Variants in FSIP1 observed in about 807,000 individuals in gnomAD.
The protein encoded by FSIP1 is fibrous sheath-interacting protein 1.
FSIP1 carries 65 observed loss-of-function variants against 60.9 expected under a neutral mutation model. The observed-to-expected ratio is 1.07, with a 90% CI of 0.87 to 1.31. The LOEUF (loss-of-function observed/expected upper bound fraction) is 1.31, where lower values mean the gene tolerates loss of function less well. Among genes scored for constraint, FSIP1 ranks in the 40% most tolerant of loss-of-function variants. FSIP1 has a pLI of 0.00. For synonymous variants in FSIP1, 209 were observed against 221.2 expected (o/e 0.94, Z 0.49); for missense variants, 675 against 665.5 (o/e 1.01, Z -0.16).
intron 2 of FSIP1, among the ~76,000 whole-genome samples, chr15:39,773,270 C>T (rs1385058741): frequency 1.3e-5 from 2 of 152,184 alleles, no homozygotes; most frequent in South Asian, 2.1e-4. Flanking sequence ...GAATGATTTG[C>T]AATCAGCAGT....
chr15:39,690,969 C>T (rs1312262969), intron 10 of FSIP1, among the ~76,000 whole-genome samples: 1 of 152,144 alleles, frequency 6.6e-6, no homozygotes, highest in African/African-American at 2.4e-5. Context: ...GCTGGGACAA[C>T]ATCAATCCAT....
At chr15:39,668,402 C>T (rs767294134) in intron 10 of FSIP1, among the ~76,000 whole-genome samples, 12 of 152,152 alleles carry the variant, frequency 7.9e-5, no homozygotes, top group South Asian at 2.1e-4. Flanking sequence ...CTTAATATGT[C>T]GACACTAAAG....
intron 10 of FSIP1, among the ~76,000 whole-genome samples, chr15:39,701,238 GTTGGGGTGATAAGAATTAACATTC>G (rs975498683): frequency 5.3e-5 from 8 of 152,126 alleles, no homozygotes; most frequent in Admixed American, 5.2e-4. Context: ...AATGTAAAAA[GTTGGGGTGATAAGAATTAACATTC>G]TAAGGAACAA....
chr15:39,676,580 A>C (rs1893952573), intron 10 of FSIP1, among the ~76,000 whole-genome samples: 1 of 151,636 alleles, frequency 6.6e-6, no homozygotes, highest in African/African-American at 2.4e-5. Context: ...TGCCTTCCCA[A>C]CTCTCAGAAT....
At chr15:39,678,633 T>C (rs1419062772) in intron 10 of FSIP1, among the ~76,000 whole-genome samples, 1 of 152,232 alleles carries the variant, frequency 6.6e-6, no homozygotes, top group Non-Finnish European at 1.5e-5. Context: ...CAAATTTTAC[T>C]TTCTAAAAAT....
intron 10 of FSIP1, among the ~76,000 whole-genome samples, chr15:39,703,052 G>A (rs975691058): frequency 2.0e-5 from 3 of 149,876 alleles, no homozygotes; most frequent in Non-Finnish European, 4.4e-5. Flanking sequence ...GCACGATTTC[G>A]GCTCACTGCA....
chr15:39,659,811 T>C lies in FSIP1; in HGVS notation c.1189-41566A>G, dbSNP rs1021158563. ...TATAACATGTTCATTCTGGAATTTT[T>C]ATTGCAATTTTGCTTCTAAAATTGG... On this transcript the variant is annotated intron_variant, in intron 10 of 11. Transcript: ENST00000350221. Among the ~76,000 whole-genome samples, 8 of 152,154 alleles carry C rather than the reference T, an allele frequency of 5.3e-5. No individual in the cohort carries two copies. In the South Asian group the frequency reaches 1.2e-3, roughly 24 times the overall value.
intron 10 of FSIP1, among the ~76,000 whole-genome samples, chr15:39,651,099 C>T (rs1018569260): frequency 2.0e-4 from 31 of 152,126 alleles, no homozygotes; most frequent in Non-Finnish European, 4.0e-4. Context: ...GGCATGAACC[C>T]ATGGACATGA....
intron 5 of FSIP1, among the ~76,000 whole-genome samples, chr15:39,754,376 T>C (rs1345434465): frequency 6.6e-6 from 1 of 152,030 alleles, no homozygotes; most frequent in Non-Finnish European, 1.5e-5. Flanking sequence ...AGATTATAAA[T>C]GTTTGTTGGC....
At chr15:39,661,418 T>C (rs1264055358) in intron 10 of FSIP1, among the ~76,000 whole-genome samples, 2 of 152,232 alleles carry the variant, frequency 1.3e-5, no homozygotes, top group Non-Finnish European at 1.5e-5. Context: ...ACCACTTAAA[T>C]TAATCCCAGA....
chr15:39,781,861 G>A (rs777434996), intron 1 of FSIP1, among the ~76,000 whole-genome samples: 6 of 152,226 alleles, frequency 3.9e-5, no homozygotes, highest in Non-Finnish European at 7.3e-5. Flanking sequence ...GGTTCATGAT[G>A]AAACTTCCGT....
intron 5 of FSIP1, among the ~76,000 whole-genome samples, chr15:39,758,022 GC>G (rs1292401538): frequency 6.6e-6 from 1 of 152,088 alleles, no homozygotes; most frequent in Non-Finnish European, 1.5e-5. Context: ...CAAGCCCCTT[GC>G]AGCTCCAGCT....
At chr15:39,717,816 A>T (rs974045444) in intron 9 of FSIP1, among the ~76,000 whole-genome samples, 3 of 152,258 alleles carry the variant, frequency 2.0e-5, no homozygotes, top group African/African-American at 7.2e-5. Context: ...TCAGGTCTTT[A>T]TAATTCTCCC....
At chr15:39,753,328 T>G (rs1483680467) in intron 5 of FSIP1, among the ~76,000 whole-genome samples, 1 of 152,110 alleles carries the variant, frequency 6.6e-6, no homozygotes, top group Non-Finnish European at 1.5e-5. Context: ...CCATTCATTT[T>G]ATGAAGTTCA....
At position 39,713,116 on chromosome 15, in the gene FSIP1, GAAT is replaced by G. The variant is rs536183907; in HGVS notation, c.1188+325_1188+327del. On this transcript the variant is annotated intron_variant, in intron 10 of 11. Coordinates refer to ENST00000350221, the MANE Select transcript of FSIP1 (RefSeq NM_152597.5). ...ATATTATATAAATTGCTTAAATTAA[GAAT>G]AATATCAAAGTCCTACGAATTATAT... 4.0e-3 allele frequency among the ~76,000 whole-genome samples: 613 copies of G among 152,210 alleles called. 1 individual carries two copies. Among genetic ancestry groups the G allele is most frequent in the Middle Eastern group, 0.01 (3 of 294 alleles).
At chr15:39,690,530 T>C (rs1239784487) in intron 10 of FSIP1, among the ~76,000 whole-genome samples, 1 of 152,206 alleles carries the variant, frequency 6.6e-6, no homozygotes, top group Non-Finnish European at 1.5e-5. Context: ...ATCTCCCTCC[T>C]GAAGCTGCTC....
chr15:39,778,942 T>C (rs1416892356), intron 1 of FSIP1, among the ~76,000 whole-genome samples: 2 of 152,142 alleles, frequency 1.3e-5, no homozygotes, highest in African/African-American at 2.4e-5. Context: ...ATTATGGAAT[T>C]AATGACTTAG....
Position 39,763,841 on chromosome 15 carries a change from GCAGT to G in FSIP1, c.535_538del (p.Thr179LeufsTer51), listed in dbSNP as rs1337288824. 15 of 1,578,168 alleles carry G rather than the reference GCAGT, an allele frequency of 9.5e-6. No individual in the cohort carries two copies. Among genetic ancestry groups the G allele is most frequent in the African/African-American group, 1.3e-5 (1 of 74,152 alleles). On this transcript the variant is annotated frameshift_variant, in exon 5 of 12. Coordinates refer to ENST00000350221, the MANE Select transcript of FSIP1 (RefSeq NM_152597.5). LOFTEE classifies it high-confidence loss of function. ...CTCACCAACAGTTTCTTCAGAAACA[GCAGT>G]CAAAGATAAAAATTTTTTTGTATTT... is the stretch of plus-strand genomic sequence containing the variant.
At chr15:39,649,858 C>T (rs1023299781) in intron 10 of FSIP1, among the ~76,000 whole-genome samples, 1 of 152,186 alleles carries the variant, frequency 6.6e-6, no homozygotes, top group South Asian at 2.1e-4. Flanking sequence ...CGATTGCCTT[C>T]CATAGAAATC....
Sources: allele counts gnomAD v4.1 joint callset (sites outside exome capture counted in the v4.1 genomes callset), GRCh38; gene constraint gnomAD v4.1.1; transcripts MANE v1.5; gene names NCBI Gene and HGNC (gene_info 2026-07-23, HGNC 2026-07-21).